Variants in AFF4 observed in about 807,000 individuals in gnomAD.
The protein encoded by AFF4 is ALF transcription elongation factor 4.
AFF4 carries 13 observed loss-of-function variants against 124.8 expected under a neutral mutation model. The ratio of observed to expected loss-of-function variants is 0.10; its 90% CI spans 0.07 to 0.17. AFF4 has a LOEUF of 0.17. Among genes scored for constraint, AFF4 ranks in the 10% least tolerant of loss-of-function variants. The probability of loss-of-function intolerance (pLI) is 1.00; values close to 1 mark genes in which losing one functional copy is unlikely to be tolerated. For synonymous variants in AFF4, 477 were observed against 496.1 expected (o/e 0.96, Z 0.51); for missense variants, 1,092 against 1,403.8 (o/e 0.78, Z 3.55).
chr5:132,955,575 A>G (rs112986191), intron 1 of AFF4, among the ~76,000 whole-genome samples: 1 of 151,974 alleles, frequency 6.6e-6, no homozygotes, highest in Non-Finnish European at 1.5e-5. Flanking sequence ...TCAGGAGTTC[A>G]AGACCAGCCT....
chr5:132,955,247 G>A (rs919399295), intron 1 of AFF4, among the ~76,000 whole-genome samples: 4 of 152,128 alleles, frequency 2.6e-5, no homozygotes, highest in African/African-American at 9.7e-5. Flanking sequence ...CAGGGTGGAG[G>A]GGCGTGGTGG....
In AFF4 at chr5:132,876,839, G is replaced by A; in HGVS notation, c.*4220C>T. ...CTTGCTAACTTGGTTTTGGGGTCTA[G>A]AGGTCTAAAGTGAATTTCTCCATTA... On this transcript the variant is annotated 3_prime_UTR_variant, in exon 21 of 21. Transcript: ENST00000265343. The A allele has an allele frequency of 5.0e-6, 1 of 198,230 alleles. No individual in the cohort carries two copies. The highest frequency in any genetic ancestry group is 1.9e-4 in the South Asian group (1 of 5,204). The allele number at this position is 198,230 out of a possible 1,614,324, so 12.3% of individuals were successfully genotyped here. A position where few individuals can be genotyped will look rare whatever the true frequency, so the allele number is the denominator to read the frequency against.
intron 5 of AFF4, among the ~76,000 whole-genome samples, chr5:132,914,475 C>T (rs1760863518): frequency 6.6e-6 from 1 of 151,846 alleles, no homozygotes; most frequent in Non-Finnish European, 1.5e-5. Flanking sequence ...GTGGCATGTG[C>T]CTGTAATCCC....
At chr5:132,906,166 C>T (rs930637181) in intron 5 of AFF4, among the ~76,000 whole-genome samples, 2 of 152,122 alleles carry the variant, frequency 1.3e-5, no homozygotes, top group African/African-American at 4.8e-5. Flanking sequence ...GGTAAGAATG[C>T]GAAATGGTAC....
intron 11 of AFF4, among the ~76,000 whole-genome samples, chr5:132,894,044 T>A (rs527913716): frequency 6.6e-6 from 1 of 152,234 alleles, no homozygotes; most frequent in Non-Finnish European, 1.5e-5. Flanking sequence ...ATTCACTGCA[T>A]AGAATTTATT....
chr5:132,882,872 A>AC (rs1280390886), intron 20 of AFF4, among the ~76,000 whole-genome samples: 5 of 151,062 alleles, frequency 3.3e-5, no homozygotes, highest in Non-Finnish European at 7.4e-5. Context: ...AAAAAAAAAA[A>AC]ATTTCTATTC....
At chr5:132,909,858 TA>T (rs1760753507) in intron 5 of AFF4, among the ~76,000 whole-genome samples, 1 of 152,082 alleles carries the variant, frequency 6.6e-6, no homozygotes, top group South Asian at 2.1e-4. Flanking sequence ...GCAGCTACTG[TA>T]TCAACAGGTG....
intron 20 of AFF4, among the ~76,000 whole-genome samples, chr5:132,881,841 T>G (rs1759987920): frequency 6.6e-6 from 1 of 151,668 alleles, no homozygotes; most frequent in African/African-American, 2.4e-5. Flanking sequence ...TTTTTTTTTT[T>G]TTTTAGTAGA....
chr5:132,937,339 T>C lies in AFF4; in HGVS notation c.-4-146A>G, dbSNP rs2288387. On this transcript the variant is annotated intron_variant, in intron 1 of 20. Transcript: ENST00000265343. ...AGGCATTAGTGCTGAAGCTGGGTTTTGGTAATGGTTTTATCAACAAATACC... is the reference window on the plus strand; with the variant it reads ...AGGCATTAGTGCTGAAGCTGGGTTTCGGTAATGGTTTTATCAACAAATACC... 317,861 of 985,612 alleles carry C rather than the reference T, an allele frequency of 0.32. 54,901 individuals are homozygous for C. Among genetic ancestry groups the C allele is most frequent in the East Asian group, 0.56 (20,143 of 35,708 alleles). The allele number at this position is 985,612 out of a possible 1,614,324, so 61.1% of individuals were successfully genotyped here.
In AFF4 at chr5:132,880,982, G is replaced by T; in HGVS notation, c.*77C>A. 2.6e-6 allele frequency: 4 copies of T among 1,529,162 alleles called. No individual in the cohort carries two copies. The highest frequency in any genetic ancestry group is 3.5e-6 in the Non-Finnish European group (4 of 1,133,174). The allele number at this position is 1,529,162 out of a possible 1,614,324, so 94.7% of individuals were successfully genotyped here. ...CCTCATTCTTAGTGTCGACTAGGTG[G>T]TATGTTATGGCAGTTTTCCTTCGTG... On this transcript the variant is annotated 3_prime_UTR_variant, in exon 21 of 21. Transcript: ENST00000265343.
chr5:132,937,219 A>C (rs1300399671), intron 1 of AFF4, 26 bp from the exon 2 acceptor site: 1 of 1,578,324 alleles, frequency 6.3e-7, no homozygotes, highest in Admixed American at 1.8e-5. Flanking sequence ...CAATCTTTGT[A>C]TCACAGAAAT....
chr5:132,951,140 G>A (rs1047762057), intron 1 of AFF4, among the ~76,000 whole-genome samples: 4 of 151,748 alleles, frequency 2.6e-5, no homozygotes, highest in African/African-American at 9.7e-5. Flanking sequence ...CAGGAGAATC[G>A]CTTGAACCAG....
chr5:132,948,091 G>A lies in AFF4; in HGVS notation c.-4-10898C>T, dbSNP rs150371454. Among the ~76,000 whole-genome samples, 1,302 of 151,340 alleles carry A rather than the reference G, an allele frequency of 8.6e-3. 25 individuals are homozygous for A. Among genetic ancestry groups the A allele is most frequent in the African/African-American group, 0.03 (1,250 of 41,198 alleles). On this transcript the variant is annotated intron_variant, in intron 1 of 20. Transcript: ENST00000265343. Reference sequence around the variant, plus strand: ...TTTTGAGATGGAGTCTTGCTCTGTCGCCAGGCTGGAATGCAGTGGCACGAT... The same window carrying A: ...TTTTGAGATGGAGTCTTGCTCTGTCACCAGGCTGGAATGCAGTGGCACGAT...
At chr5:132,883,769 T>C (rs1272145461) in intron 19 of AFF4, among the ~76,000 whole-genome samples, 2 of 152,234 alleles carry the variant, frequency 1.3e-5, no homozygotes, top group African/African-American at 4.8e-5. Flanking sequence ...GCCTTTGTTT[T>C]AATGAATAAC....
intron 1 of AFF4, among the ~76,000 whole-genome samples, chr5:132,961,185 A>AGTG (rs1429446326): frequency 6.6e-6 from 1 of 152,092 alleles, no homozygotes; most frequent in East Asian, 1.9e-4. Context: ...AGATGGAGCC[A>AGTG]CTGCATTCCA....
intron 10 of AFF4, among the ~76,000 whole-genome samples, chr5:132,897,555 C>T (rs1760439659): frequency 6.6e-6 from 1 of 151,972 alleles, no homozygotes. Context: ...ATTAAAAATA[C>T]AAAAATTAGT....
At chr5:132,892,882 C>T (rs1303697063) in intron 12 of AFF4, 148 bp downstream of exon 12, 1 of 685,134 alleles carries the variant, frequency 1.5e-6, no homozygotes, top group Non-Finnish European at 2.5e-6. Context: ...AAAGTGAAAG[C>T]TCCCACTATT....
rs527451324 is a variant in AFF4, at chr5:132,944,739, G to A, written c.-4-7546C>T. Among the ~76,000 whole-genome samples the A allele has an allele frequency of 3.9e-5, 6 of 152,014 alleles. No homozygotes were observed. The East Asian group carries it at 1.2e-3, about 29-fold the overall frequency. ...GAGGTCAGGAGTTCAAGACCAGTCT[G>A]GCCAACAGAGTGAAACCCCATCTCT... is the stretch of plus-strand genomic sequence containing the variant. On this transcript the variant is annotated intron_variant, in intron 1 of 20. Transcript: ENST00000265343.
At chr5:132,907,099 T>C (rs962799321) in intron 5 of AFF4, among the ~76,000 whole-genome samples, 3 of 152,162 alleles carry the variant, frequency 2.0e-5, no homozygotes, top group African/African-American at 7.2e-5. Flanking sequence ...GGTCCACAAA[T>C]ACTACTGGAT....
Sources: gnomAD v4.1 joint callset for allele counts (sites outside exome capture counted in the v4.1 genomes callset) on GRCh38, gnomAD v4.1.1 for gene constraint, MANE v1.5 for transcripts, NCBI Gene and HGNC (gene_info 2026-07-23, HGNC 2026-07-21) for gene names.